The following CDK8 variants were observed in gnomAD, a reference collection of about 807,000 sequenced individuals.
CDK8 encodes cyclin dependent kinase 8.
Under a neutral mutation model 71.5 loss-of-function variants are expected in CDK8, and 29 were observed. That is an observed-to-expected ratio of 0.41 (90% CI 0.30 to 0.55). The LOEUF (loss-of-function observed/expected upper bound fraction) is 0.55. CDK8 is among the 20% of genes least tolerant of loss of function. The pLI, the probability that CDK8 is intolerant of heterozygous loss-of-function variation, is 0.37. For synonymous variants in CDK8, 161 were observed against 192.1 expected, an observed-to-expected ratio of 0.84 and a Z score of 1.34; for missense variants, 288 against 572.6, an observed-to-expected ratio of 0.50 and a Z score of 5.07.
chr13:26,338,412 A>T (rs1201736121), intron 2 of CDK8, among the ~76,000 whole-genome samples: 1 of 152,120 alleles, frequency 6.6e-6, no homozygotes, highest in Non-Finnish European at 1.5e-5. Context: ...ATGAGTCTTC[A>T]ACTCAAGTAG....
At chr13:26,403,703 G>GA (rs1408004429) in intron 12 of CDK8, among the ~76,000 whole-genome samples, 7 of 152,044 alleles carry the variant, frequency 4.6e-5, no homozygotes, top group East Asian at 3.9e-4. Flanking sequence ...TACTCCTGTA[G>GA]AAAAAAATGT....
intron 3 of CDK8, among the ~76,000 whole-genome samples, chr13:26,351,378 T>C (rs1873674113): frequency 6.6e-6 from 1 of 152,128 alleles, no homozygotes; most frequent in Admixed American, 6.6e-5. Flanking sequence ...CTTCTGTTCT[T>C]CTATTTTAAA....
intron 4 of CDK8, among the ~76,000 whole-genome samples, chr13:26,375,602 A>G (rs1211723529): frequency 6.6e-6 from 1 of 152,226 alleles, no homozygotes; most frequent in Non-Finnish European, 1.5e-5. Context: ...CAGTGTAAAC[A>G]TATATGCACA....
At chr13:26,284,499 G>A (rs1087063) in intron 1 of CDK8, among the ~76,000 whole-genome samples, 144,100 of 152,262 alleles carry the variant, frequency 0.95, 68,231 homozygotes, top group East Asian at 1. Context: ...CAAGTTTACT[G>A]TGAGCACAAA....
intron 1 of CDK8, among the ~76,000 whole-genome samples, chr13:26,277,485 T>G (rs543607010): frequency 6.6e-6 from 1 of 152,290 alleles, no homozygotes; most frequent in East Asian, 1.9e-4. Context: ...TTTTTACTTT[T>G]GGCAAGTGTT....
intron 1 of CDK8, among the ~76,000 whole-genome samples, chr13:26,331,952 G>A (rs964631511): frequency 2.0e-5 from 3 of 152,038 alleles, no homozygotes; most frequent in Non-Finnish European, 4.4e-5. Context: ...GGCCTGGGAT[G>A]TTTTTCCTTT....
intron 1 of CDK8, among the ~76,000 whole-genome samples, chr13:26,294,965 A>T (rs543934375): frequency 6.6e-6 from 1 of 151,920 alleles, no homozygotes; most frequent in South Asian, 2.1e-4. Context: ...GGCCAGGATG[A>T]TCTCGATCCC....
intron 6 of CDK8, among the ~76,000 whole-genome samples, 187 bp downstream of exon 6, chr13:26,385,529 GT>G (rs1875435094): frequency 6.6e-6 from 1 of 152,138 alleles, no homozygotes; most frequent in African/African-American, 2.4e-5. Context: ...GAGTCCAGTA[GT>G]TTTGAGACCA....
chr13:26,334,812 G>A (rs1363703961), intron 1 of CDK8, among the ~76,000 whole-genome samples: 1 of 152,074 alleles, frequency 6.6e-6, no homozygotes, highest in African/African-American at 2.4e-5. Flanking sequence ...TATCACGTCT[G>A]CCCTTCCTTT....
At chr13:26,363,886 G>A (rs1204524525) in intron 4 of CDK8, among the ~76,000 whole-genome samples, 1 of 152,070 alleles carries the variant, frequency 6.6e-6, no homozygotes, top group Non-Finnish European at 1.5e-5. Context: ...ATCTTATTGT[G>A]TATTGATAGC....
intron 1 of CDK8, among the ~76,000 whole-genome samples, chr13:26,329,693 G>A (rs1875215203): frequency 1.3e-5 from 2 of 151,814 alleles, no homozygotes; most frequent in Non-Finnish European, 2.9e-5. Context: ...TTGTACAGAC[G>A]GGGTTTTGCC....
intron 1 of CDK8, among the ~76,000 whole-genome samples, chr13:26,324,011 G>T (rs764155337): frequency 6.6e-6 from 1 of 152,132 alleles, no homozygotes; most frequent in Non-Finnish European, 1.5e-5. Context: ...TAGTAGCAAG[G>T]CCTGTGGAAT....
At chr13:26,301,609 CG>C (rs1173601014) in intron 1 of CDK8, among the ~76,000 whole-genome samples, 2 of 152,086 alleles carry the variant, frequency 1.3e-5, no homozygotes, top group Non-Finnish European at 2.9e-5. Context: ...TTAAAGTTGA[CG>C]TTAGAGCATT....
At chr13:26,295,644 A>G (rs1028309061) in intron 1 of CDK8, among the ~76,000 whole-genome samples, 2 of 152,202 alleles carry the variant, frequency 1.3e-5, no homozygotes, top group African/African-American at 4.8e-5. Context: ...TCCTGAATCC[A>G]ACTAGACTAT....
chr13:26,403,681 A>C (rs1219685110), intron 12 of CDK8, among the ~76,000 whole-genome samples: 1 of 152,202 alleles, frequency 6.6e-6, no homozygotes, highest in Admixed American at 6.5e-5. Flanking sequence ...ACAAAACAGC[A>C]TAAAAAGGGG....
chr13:26,348,177 G>T (rs1873539120), intron 2 of CDK8, among the ~76,000 whole-genome samples: 2 of 152,074 alleles, frequency 1.3e-5, no homozygotes, highest in African/African-American at 4.8e-5. Flanking sequence ...TGGCATGAAA[G>T]GATACATATT....
chr13:26,374,283 G>T (rs1252026427), intron 4 of CDK8, among the ~76,000 whole-genome samples: 2 of 151,964 alleles, frequency 1.3e-5, no homozygotes, highest in Non-Finnish European at 2.9e-5. Flanking sequence ...GAAGGGCCTT[G>T]CTCATTATCG....
rs541269789 is a variant in CDK8 at position 26,373,948 on chromosome 13, G to A, written c.457-8866G>A. On this transcript the variant is annotated intron_variant, in intron 4 of 12. Coordinates refer to ENST00000381527, the MANE Select transcript of CDK8 (RefSeq NM_001260.3). ...TGTAATCCCAGCACTTTGGGAGGCC[G>A]AGGTGAGTGAATCACGAGGTCAGGA... is the stretch of plus-strand genomic sequence containing the variant. Among the ~76,000 whole-genome samples the A allele has an allele frequency of 1.0e-4, 15 of 149,480 alleles. No homozygotes were observed. In the South Asian group the frequency reaches 1.7e-3, roughly 17 times the overall value.
intron 2 of CDK8, among the ~76,000 whole-genome samples, chr13:26,346,676 T>C (rs999076603): frequency 2.6e-5 from 4 of 152,204 alleles, no homozygotes; most frequent in African/African-American, 9.6e-5. Context: ...ATTTTAGATA[T>C]TAGCGTTTAG....
Sources: gnomAD v4.1 joint callset for allele counts (sites outside exome capture counted in the v4.1 genomes callset) on GRCh38, gnomAD v4.1.1 for gene constraint, MANE v1.5 for transcripts, NCBI Gene and HGNC (gene_info 2026-07-23, HGNC 2026-07-21) for gene names.